PLCB4: variants seen among roughly 807,000 people sequenced by gnomAD.
PLCB4 encodes the protein phospholipase C beta 4, also known as 1-phosphatidylinositol 4,5-bisphosphate phosphodiesterase beta-4.
Under a neutral mutation model 178.8 loss-of-function variants are expected in PLCB4, and 77 were observed. That is an observed-to-expected ratio of 0.43 (90% CI 0.36 to 0.52). The LOEUF is 0.52. PLCB4 is among the 20% of genes least tolerant of loss of function. The pLI, the probability that PLCB4 is intolerant of heterozygous loss-of-function variation, is 0.00. For synonymous variants in PLCB4, 496 were observed against 490.8 expected, an observed-to-expected ratio of 1.01 and a Z score of -0.14; for missense variants, 1,024 against 1,453.4, an observed-to-expected ratio of 0.70 and a Z score of 4.80.
At chr20:9,246,773 A>C (rs1230121220) in intron 3 of PLCB4, among the ~76,000 whole-genome samples, 1 of 152,186 alleles carries the variant, frequency 6.6e-6, no homozygotes, top group South Asian at 2.1e-4. Flanking sequence ...ATATGACTGG[A>C]TTTGAACTCG....
intron 2 of PLCB4, among the ~76,000 whole-genome samples, chr20:9,154,489 G>A (rs2146946366): frequency 1.3e-5 from 2 of 152,290 alleles, no homozygotes; most frequent in South Asian, 4.1e-4. Context: ...TTGTTGGTGT[G>A]TGTTTCTCTA....
At position 9,323,071 on chromosome 20, in the gene PLCB4, C is replaced by T. The variant is rs533916223; in HGVS notation, c.85-14055C>T. Among the ~76,000 whole-genome samples the T allele has an allele frequency of 3.3e-5, 5 of 152,284 alleles. No homozygotes were observed. The South Asian group carries it at 1.0e-3, about 32-fold the overall frequency. On this transcript the variant is annotated intron_variant, in intron 4 of 39. Transcript: ENST00000378473. Reference sequence around the variant, plus strand: ...CCTTTAATGGGTTTCTACCTCATTCCAAGTAATTTCCAAAGTTCTTTCTGT... The same window carrying T: ...CCTTTAATGGGTTTCTACCTCATTCTAAGTAATTTCCAAAGTTCTTTCTGT...
intron 3 of PLCB4, among the ~76,000 whole-genome samples, chr20:9,232,451 G>A (rs1193252704): frequency 6.6e-6 from 1 of 152,054 alleles, no homozygotes; most frequent in African/African-American, 2.4e-5. Context: ...TCTCTAAATT[G>A]TCTATTGTTG....
At chr20:9,432,822 A>G (rs983178484) in intron 28 of PLCB4, among the ~76,000 whole-genome samples, 7 of 152,218 alleles carry the variant, frequency 4.6e-5, no homozygotes, top group African/African-American at 1.7e-4. Context: ...TGCTGAGTAG[A>G]AAGACATGAA....
At chr20:9,473,748 A>G (rs888390212) in intron 38 of PLCB4, among the ~76,000 whole-genome samples, 1 of 152,154 alleles carries the variant, frequency 6.6e-6, no homozygotes, top group East Asian at 1.9e-4. Context: ...GAGAGAAACC[A>G]CCTATTTTCA....
At chr20:9,446,360 G>A (rs2042414796) in intron 32 of PLCB4, among the ~76,000 whole-genome samples, 1 of 152,128 alleles carries the variant, frequency 6.6e-6, no homozygotes, top group African/African-American at 2.4e-5. Flanking sequence ...GACAGCACAT[G>A]GGACATTAGG....
At chr20:9,331,301 A>C (rs2031608322) in intron 4 of PLCB4, among the ~76,000 whole-genome samples, 1 of 152,202 alleles carries the variant, frequency 6.6e-6, no homozygotes, top group South Asian at 2.1e-4. Flanking sequence ...TGGCCAACTC[A>C]TGTTTAAATA....
Position 9,156,036 on chromosome 20 carries a change from T to C in PLCB4, c.-79+59694T>C, listed in dbSNP as rs551211228. ...TCCGTTGTCTTAGTCTGTTAAATTCTTCCAGTCATAGACTGTGCAATGTAT... is the reference window on the plus strand; with the variant it reads ...TCCGTTGTCTTAGTCTGTTAAATTCCTCCAGTCATAGACTGTGCAATGTAT... On this transcript the variant is annotated intron_variant, in intron 2 of 39. Coordinates refer to ENST00000378473, the MANE Select transcript of PLCB4 (RefSeq NM_001377142.1). Among the ~76,000 whole-genome samples, 15 of 152,328 alleles carry C rather than the reference T, an allele frequency of 9.8e-5. No individual in the cohort carries two copies. In the South Asian group the frequency reaches 3.1e-3, roughly 32 times the overall value.
At chr20:9,389,759 C>G in intron 15 of PLCB4, 120 bp from the exon 16 acceptor site, 1 of 606,984 alleles carries the variant, frequency 1.6e-6, no homozygotes, top group South Asian at 2.2e-5. Flanking sequence ...GATGGGGGCT[C>G]CAGGTCTGAA....
chr20:9,327,989 T>A (rs760394190), intron 4 of PLCB4, among the ~76,000 whole-genome samples: 4 of 152,278 alleles, frequency 2.6e-5, no homozygotes, highest in Admixed American at 1.3e-4. Context: ...AAATACCCAA[T>A]TGTTTCTGCT....
At chr20:9,326,994 T>A (rs915999691) in intron 4 of PLCB4, among the ~76,000 whole-genome samples, 3 of 152,186 alleles carry the variant, frequency 2.0e-5, no homozygotes, top group Non-Finnish European at 4.4e-5. Flanking sequence ...ATTATCTGCA[T>A]CCTCTTGGGT....
At chr20:9,422,792 G>A (rs1422826037) in intron 27 of PLCB4, among the ~76,000 whole-genome samples, 1 of 152,086 alleles carries the variant, frequency 6.6e-6, no homozygotes, top group East Asian at 1.9e-4. Flanking sequence ...CAAATCCCAA[G>A]CCTCTATTCA....
chr20:9,338,905 C>T lies in PLCB4; in HGVS notation c.237C>T (p.Ile79=), dbSNP rs901657158. ...RSGAIPKDPK[I]LAALEAVGKS... is the part of the protein sequence containing the mutation. The stretch of plus-strand genomic sequence containing the variant: ...GTACCTCTATACAGGATCCCAAAAT[C>T]TTGGCTGCTCTTGAAGCTGTTGGAA... The change falls in exon 7 of 40, where the codon ATC becomes ATT. Residue 79 remains isoleucine (I), a synonymous_variant. Coordinates refer to ENST00000378473, the MANE Select transcript of PLCB4 (RefSeq NM_001377142.1). 2 of 1,613,098 alleles carry T rather than the reference C, an allele frequency of 1.2e-6. No individual in the cohort carries two copies. Among genetic ancestry groups the T allele is most frequent in the South Asian group, 2.2e-5 (2 of 91,008 alleles).
chr20:9,265,184 AAGATGACG>A, intron 3 of PLCB4, among the ~76,000 whole-genome samples: 1 of 152,130 alleles, frequency 6.6e-6, no homozygotes, highest in Non-Finnish European at 1.5e-5. Context: ...TGTACTTGAA[AAGATGACG>A]AGGCTGGGGA....
intron 12 of PLCB4, among the ~76,000 whole-genome samples, chr20:9,373,607 A>G (rs1043396175): frequency 6.6e-5 from 10 of 152,196 alleles, no homozygotes; most frequent in African/African-American, 2.2e-4. Context: ...TTTGACAACA[A>G]GCAAAACACT....
At chr20:9,351,769 G>C (rs776900794) in intron 7 of PLCB4, among the ~76,000 whole-genome samples, 13 of 152,146 alleles carry the variant, frequency 8.5e-5, no homozygotes, top group East Asian at 1.9e-4. Flanking sequence ...TTAGACAAAG[G>C]CTTCTTGATT....
chr20:9,094,445 A>G (rs1265402487), intron 1 of PLCB4, among the ~76,000 whole-genome samples: 1 of 152,128 alleles, frequency 6.6e-6, no homozygotes, highest in Non-Finnish European at 1.5e-5. Flanking sequence ...TATTTGAAAA[A>G]CAGAAAGGTT....
intron 3 of PLCB4, among the ~76,000 whole-genome samples, chr20:9,236,272 A>G (rs1181104288): frequency 6.6e-6 from 1 of 152,154 alleles, no homozygotes; most frequent in Non-Finnish European, 1.5e-5. Flanking sequence ...CAAGGCCTGA[A>G]ATCCTTGCTG....
At chr20:9,307,494 TAC>T (rs745918024) in intron 3 of PLCB4, among the ~76,000 whole-genome samples, 14,948 of 137,970 alleles carry the variant, frequency 0.11, 1,044 homozygotes, top group East Asian at 0.23. Context: ...AAAAAAAGAA[TAC>T]ACACACACAC....
Sources: allele counts gnomAD v4.1 joint callset (sites outside exome capture counted in the v4.1 genomes callset), GRCh38; gene constraint gnomAD v4.1.1; transcripts MANE v1.5; gene names NCBI Gene and HGNC (gene_info 2026-07-23, HGNC 2026-07-21).